RFC1: variants seen among roughly 807,000 people sequenced by gnomAD.
The protein encoded by RFC1 is A1 140 kDa subunit.
RFC1 carries 37 observed loss-of-function variants against 137.4 expected under a neutral mutation model. The observed-to-expected ratio is 0.27, with a 90% CI of 0.21 to 0.35. The LOEUF (loss-of-function observed/expected upper bound fraction) is 0.35, where lower values mean the gene tolerates loss of function less well. Among genes scored for constraint, RFC1 ranks in the 10% least tolerant of loss-of-function variants. The pLI is 1.00. For synonymous variants in RFC1, 429 were observed against 455.7 expected, an observed-to-expected ratio of 0.94 and a Z score of 0.75; for missense variants, 1,205 against 1,358.5, an observed-to-expected ratio of 0.89 and a Z score of 1.78.
Position 39,295,407 on chromosome 4 carries a change from CT to C in RFC1, c.2954+206del, listed in dbSNP as rs55892726. Among the ~76,000 whole-genome samples the C allele has an allele frequency of 3.3e-3, 503 of 152,222 alleles. 2 individuals carry two copies. Among genetic ancestry groups the C allele is most frequent in the African/African-American group, 0.012 (482 of 41,524 alleles). On this transcript the variant is annotated intron_variant, in intron 22 of 24. Transcript: ENST00000349703. ...CTACCATTTTATTGTCCAAAGTATC[CT>C]TTTAAGTGGCAAAACAAGTGTTATA...
chr4:39,314,789 G>T (rs1227363948), intron 10 of RFC1, among the ~76,000 whole-genome samples: 1 of 151,964 alleles, frequency 6.6e-6, no homozygotes, highest in Non-Finnish European at 1.5e-5. Context: ...TATATACCAA[G>T]CAAACTGAAA....
Position 39,302,784 on chromosome 4 carries a change from A to G in RFC1, c.2293T>C (p.Tyr765His), listed in dbSNP as rs757175937. 1 of 1,600,702 alleles carries G rather than the reference A, an allele frequency of 6.2e-7. No individual in the cohort carries two copies. The highest frequency in any genetic ancestry group is 8.5e-7 in the Non-Finnish European group (1 of 1,176,460). Residue 765 changes from tyrosine (Y) to histidine (H), a missense_variant, in exon 17 of 25, where the codon TAT becomes CAT. Physicochemically the swap from Tyr to His is moderately conservative, Grantham distance 83. This residue lies in a region of RFC1 where 962 missense variants were observed against 1,035.3 expected (regional missense o/e 0.93). Transcript: ENST00000349703. The part of the protein sequence containing the change: ...NHPKIRSLVH[Y>H]CFDLRFQRPR... ...CTTTGAAAACGAAGATCAAAACAAT[A>G]ATGAACCAGAGAGCGAATCTTGGGA...
In RFC1 at chr4:39,351,253, GAAAAAAAAAAAAAAAAAAAA is replaced by G. The variant is rs58906519; in HGVS notation, c.132+75_132+94del. 7 of 315,150 alleles carry G rather than the reference GAAAAAAAAAAAAAAAAAAAA, an allele frequency of 2.2e-5. No homozygotes were observed. In the African/African-American group the frequency reaches 2.8e-4, roughly 12 times the overall value. 19.5% of individuals were successfully genotyped at this position (315,150 alleles called of 1,614,324 possible). Reference sequence around the variant, plus strand: ...GCGACAGAGCAAGACTCTGTCTCAGGAAAAAAAAAAAAAAAAAAAAAAAAAAAAAAAACTTATAAGAACTG... The same window carrying G: ...GCGACAGAGCAAGACTCTGTCTCAGGAAAAAAAAAAAACTTATAAGAACTG... On this transcript the variant is annotated intron_variant, in intron 2 of 24. Coordinates refer to ENST00000349703, the MANE Select transcript of RFC1 (RefSeq NM_002913.5).
At chr4:39,296,392 TC>T (rs1388516544) in intron 21 of RFC1, among the ~76,000 whole-genome samples, 35 of 106,372 alleles carry the variant, frequency 3.3e-4, no homozygotes, top group African/African-American at 1.2e-3. Flanking sequence ...CCCAATGCTA[TC>T]CCTCCCCCCT....
Position 39,288,547 on chromosome 4 carries a change from G to A in RFC1, c.*214C>T. Reference sequence around the variant, plus strand: ...AACTAGATTGACAGAGGACAGTGGAGGACCCAAGCAGTCCTATCAACCTCT... The same window carrying A: ...AACTAGATTGACAGAGGACAGTGGAAGACCCAAGCAGTCCTATCAACCTCT... On this transcript the variant is annotated 3_prime_UTR_variant, in exon 25 of 25. Transcript: ENST00000349703. 2.2e-6 allele frequency: 1 copy of A among 453,786 alleles called. No individual in the cohort carries two copies. 28.1% of individuals were successfully genotyped at this position (453,786 alleles called of 1,614,324 possible).
chr4:39,332,069 C>T (rs998043642), intron 4 of RFC1, among the ~76,000 whole-genome samples: 2 of 152,214 alleles, frequency 1.3e-5, no homozygotes, highest in African/African-American at 4.8e-5. Flanking sequence ...TCTGCCGACA[C>T]TTGAGACGTG....
At chr4:39,328,279 G>A (rs1156474549) in intron 4 of RFC1, among the ~76,000 whole-genome samples, 1 of 152,078 alleles carries the variant, frequency 6.6e-6, no homozygotes, top group Admixed American at 6.5e-5. Context: ...AATATTTACT[G>A]AGCACTCATT....
intron 19 of RFC1, 129 bp downstream of exon 19, chr4:39,302,149 T>C (rs1738391315): frequency 1.7e-6 from 1 of 594,902 alleles, no homozygotes; most frequent in Admixed American, 3.0e-5. Context: ...CTGTCTATAC[T>C]TCCTACTATA....
At chr4:39,318,267 TG>T (rs1228152628) in intron 9 of RFC1, among the ~76,000 whole-genome samples, 2 of 152,218 alleles carry the variant, frequency 1.3e-5, no homozygotes, top group Non-Finnish European at 2.9e-5. Context: ...TTTCTAACAA[TG>T]GTTCTCAAAT....
At chr4:39,331,842 T>C (rs1179475915) in intron 4 of RFC1, among the ~76,000 whole-genome samples, 1 of 152,130 alleles carries the variant, frequency 6.6e-6, no homozygotes, top group African/African-American at 2.4e-5. Flanking sequence ...GAAATATGGG[T>C]AATTTTTATG....
rs1222205366 is a variant in RFC1 at position 39,291,546 on chromosome 4, TA to T, written c.3168+92del. 70 of 873,444 alleles carry T rather than the reference TA, an allele frequency of 8.0e-5. No individual in the cohort carries two copies. The East Asian group carries it at 1.6e-3, about 20-fold the overall frequency. The allele number at this position is 873,444 out of a possible 1,614,324, so 54.1% of individuals were successfully genotyped here. On this transcript the variant is annotated intron_variant, in intron 23 of 24. Coordinates refer to ENST00000349703, the MANE Select transcript of RFC1 (RefSeq NM_002913.5). ...ACAAGCATTTGAGGGGAAAAAGAAG[TA>T]AATCTTAAAGCATCTAAAACACCTC...
chr4:39,293,467 A>G (rs935590244), intron 22 of RFC1, among the ~76,000 whole-genome samples: 1 of 152,236 alleles, frequency 6.6e-6, no homozygotes, highest in African/African-American at 2.4e-5. Flanking sequence ...AAAAGCATCT[A>G]TGACTCCCAA....
chr4:39,348,422 CAAAAA>C (rs1219083455), intron 2 of RFC1, among the ~76,000 whole-genome samples: 1 of 46,138 alleles, frequency 2.2e-5, no homozygotes, highest in Non-Finnish European at 4.4e-5. Flanking sequence ...GACTCTGTTT[CAAAAA>C]AGAAAAGAAA....
At chr4:39,292,907 A>C (rs1737766526) in intron 22 of RFC1, among the ~76,000 whole-genome samples, 1 of 152,064 alleles carries the variant, frequency 6.6e-6, no homozygotes. Context: ...GGCCTCCCAA[A>C]GTGGTGGGAT....
At chr4:39,360,737 A>G (rs557635027) in intron 1 of RFC1, among the ~76,000 whole-genome samples, 178 of 151,124 alleles carry the variant, frequency 1.2e-3, no homozygotes, top group African/African-American at 3.9e-3. Context: ...TCTGTCTCAG[A>G]AAAAAAAAGG....
At chr4:39,296,627 C>T (rs892004242) in intron 21 of RFC1, among the ~76,000 whole-genome samples, 44 of 151,442 alleles carry the variant, frequency 2.9e-4, no homozygotes, top group Non-Finnish European at 5.9e-4. Flanking sequence ...ATATATGTGC[C>T]ACATTTTCTT....
chr4:39,316,842 T>A (rs1352059543), intron 10 of RFC1, 73 bp downstream of exon 10: 6 of 843,770 alleles, frequency 7.1e-6, no homozygotes, highest in Non-Finnish European at 9.8e-6. Flanking sequence ...GCTGCTATAA[T>A]CATCGTGAAT....
In RFC1 at chr4:39,332,127, G is replaced by A. The variant is rs574169486; in HGVS notation, c.332-4371C>T. Among the ~76,000 whole-genome samples, 15 of 152,318 alleles carry A rather than the reference G, an allele frequency of 9.8e-5. 1 individual carries two copies. Among genetic ancestry groups the A allele is most frequent in the African/African-American group, 3.6e-4 (15 of 41,566 alleles). On this transcript the variant is annotated intron_variant, in intron 4 of 24. Coordinates refer to ENST00000349703, the MANE Select transcript of RFC1 (RefSeq NM_002913.5). ...GTGAGGTCCCCAGCCATGTGGAACT[G>A]TAAGTCCAATAAACCTCTTTCTTTT...
chr4:39,335,614 T>C (rs1413505137), intron 4 of RFC1, among the ~76,000 whole-genome samples: 2 of 152,152 alleles, frequency 1.3e-5, no homozygotes, highest in Non-Finnish European at 2.9e-5. Context: ...CCGAGTCCAC[T>C]GGAATGCCTA....
Sources: allele counts gnomAD v4.1 joint callset (sites outside exome capture counted in the v4.1 genomes callset), GRCh38; gene constraint gnomAD v4.1.1; regional missense constraint gnomAD v4.1.1; transcripts MANE v1.5; gene names NCBI Gene and HGNC (gene_info 2026-07-23, HGNC 2026-07-21).